GBE1: variants seen among roughly 807,000 people sequenced by gnomAD.
GBE1 encodes the protein 1,4-alpha-glucan branching enzyme 1.
Under a neutral mutation model 88.8 loss-of-function variants are expected in GBE1, and 70 were observed. The ratio of observed to expected loss-of-function variants is 0.79; its 90% CI spans 0.65 to 0.96. The LOEUF is 0.96. Ranked by LOEUF, GBE1 falls within the 40% of genes least tolerant of loss-of-function variation. GBE1 has a pLI of 0.00. For missense variants in GBE1, 872 were observed against 871.0 expected, an observed-to-expected ratio of 1.00 and a Z score of -0.01; for synonymous variants, 284 against 300.1, an observed-to-expected ratio of 0.95 and a Z score of 0.56.
At chr3:81,722,476 ATATT>A (rs1465346312) in intron 1 of GBE1, among the ~76,000 whole-genome samples, 1 of 152,024 alleles carries the variant, frequency 6.6e-6, no homozygotes, top group Non-Finnish European at 1.5e-5. Flanking sequence ...CAAAGACAAA[ATATT>A]AAGTAAATTA....
At chr3:81,747,609 C>A (rs1368873241) in intron 1 of GBE1, among the ~76,000 whole-genome samples, 2 of 152,190 alleles carry the variant, frequency 1.3e-5, no homozygotes, top group Non-Finnish European at 2.9e-5. Flanking sequence ...TGCACGTATA[C>A]GCCCAGATGG....
intron 3 of GBE1, among the ~76,000 whole-genome samples, chr3:81,667,806 T>C (rs1187431398): frequency 6.6e-6 from 1 of 152,186 alleles, no homozygotes; most frequent in Non-Finnish European, 1.5e-5. Flanking sequence ...TAACTTGATC[T>C]TGATGGATAA....
intron 1 of GBE1, among the ~76,000 whole-genome samples, chr3:81,732,875 T>G (rs1000493521): frequency 1.3e-5 from 2 of 152,156 alleles, no homozygotes; most frequent in Non-Finnish European, 2.9e-5. Flanking sequence ...TACAAGTATT[T>G]GTGGTGTCAT....
intron 12 of GBE1, among the ~76,000 whole-genome samples, chr3:81,553,490 T>C (rs1703303351): frequency 6.6e-6 from 1 of 152,018 alleles, no homozygotes; most frequent in Non-Finnish European, 1.5e-5. Context: ...CAGTATACAC[T>C]CAAAGATTTA....
At chr3:81,540,164 T>C (rs1019149329) in intron 12 of GBE1, among the ~76,000 whole-genome samples, 1 of 151,920 alleles carries the variant, frequency 6.6e-6, no homozygotes, top group Non-Finnish European at 1.5e-5. Context: ...AATAAGAACT[T>C]GCTACATGAT....
At chr3:81,533,120 T>G (rs7618582) in intron 14 of GBE1, among the ~76,000 whole-genome samples, 6,085 of 152,168 alleles carry the variant, frequency 0.04, 412 homozygotes, top group African/African-American at 0.14. Flanking sequence ...AAGATTGAAG[T>G]AGATACTAGT....
Position 81,617,199 on chromosome 3 carries a change from CTA to C in GBE1, c.993-23178_993-23177del, listed in dbSNP as rs201868914. 7.2e-3 allele frequency among the ~76,000 whole-genome samples: 1,092 copies of C among 151,894 alleles called. 5 individuals carry two copies. The highest frequency in any genetic ancestry group is 0.034 in the Middle Eastern group (10 of 292). Reference sequence around the variant, plus strand: ...AAGTTTTATTTATCCATTCTGATCTCTATGTCTTATTTTCTTTTCTTTTTATT... The same window carrying C: ...AAGTTTTATTTATCCATTCTGATCTCTGTCTTATTTTCTTTTCTTTTTATT... On this transcript the variant is annotated intron_variant, in intron 7 of 15. Transcript: ENST00000429644.
intron 12 of GBE1, among the ~76,000 whole-genome samples, chr3:81,562,866 C>CTT (rs559665731): frequency 7.0e-6 from 1 of 143,612 alleles, no homozygotes; most frequent in African/African-American, 2.5e-5. Context: ...TCACTTTCAT[C>CTT]TTTTTTTTTT....
intron 9 of GBE1, among the ~76,000 whole-genome samples, chr3:81,588,980 T>G (rs971665011): frequency 2.6e-5 from 4 of 152,088 alleles, no homozygotes; most frequent in African/African-American, 4.8e-5. Flanking sequence ...ATATGAGTTG[T>G]TTCAGCCCTC....
intron 3 of GBE1, among the ~76,000 whole-genome samples, chr3:81,666,605 T>A (rs1329544095): frequency 6.6e-6 from 1 of 152,156 alleles, no homozygotes; most frequent in South Asian, 2.1e-4. Flanking sequence ...GAGAAAAATA[T>A]TATTTTTCAA....
chr3:81,565,534 C>T (rs753025938), intron 12 of GBE1, among the ~76,000 whole-genome samples: 2 of 152,240 alleles, frequency 1.3e-5, no homozygotes, highest in East Asian at 1.9e-4. Context: ...AGGACAAAAT[C>T]CATCCAACTT....
chr3:81,598,646 T>C (rs1447136517), intron 7 of GBE1, among the ~76,000 whole-genome samples: 1 of 151,924 alleles, frequency 6.6e-6, no homozygotes, highest in East Asian at 1.9e-4. Flanking sequence ...GATTGAAAAG[T>C]AGTAATTCAT....
chr3:81,526,545 C>T (rs1412367322), intron 14 of GBE1, among the ~76,000 whole-genome samples: 1 of 151,984 alleles, frequency 6.6e-6, no homozygotes, highest in African/African-American at 2.4e-5. Flanking sequence ...AAATCATGTG[C>T]AAAAATCACA....
chr3:81,732,755 C>G (rs947539202), intron 1 of GBE1, among the ~76,000 whole-genome samples: 1 of 152,068 alleles, frequency 6.6e-6, no homozygotes, highest in African/African-American at 2.4e-5. Flanking sequence ...ATATAGTCAC[C>G]CAGAGTAATC....
intron 14 of GBE1, among the ~76,000 whole-genome samples, chr3:81,521,676 C>A (rs1702875894): frequency 6.6e-6 from 1 of 151,388 alleles, no homozygotes; most frequent in African/African-American, 2.4e-5. Flanking sequence ...TGCTACAATC[C>A]TAACAGATTA....
At chr3:81,548,833 G>A (rs1016365830) in intron 12 of GBE1, among the ~76,000 whole-genome samples, 6 of 150,828 alleles carry the variant, frequency 4.0e-5, no homozygotes, top group African/African-American at 1.5e-4. Flanking sequence ...ACTAATGTAA[G>A]ATTAAAGAAA....
chr3:81,490,545 G>T (rs374937697), intron 15 of GBE1, 82 bp from the exon 16 acceptor site: 1 of 1,092,854 alleles, frequency 9.2e-7, no homozygotes, highest in Non-Finnish European at 1.4e-6. Flanking sequence ...TAGGCATGAC[G>T]CAGTCTCACA....
At chr3:81,507,242 A>G (rs889596840) in intron 14 of GBE1, among the ~76,000 whole-genome samples, 5 of 152,064 alleles carry the variant, frequency 3.3e-5, no homozygotes, top group African/African-American at 1.2e-4. Flanking sequence ...TTTCTAAAAT[A>G]AAATTTATAA....
chr3:81,535,343 C>A lies in GBE1; in HGVS notation c.1804-18G>T. 1 of 1,586,150 alleles carries A rather than the reference C, an allele frequency of 6.3e-7. No individual in the cohort carries two copies. The highest frequency in any genetic ancestry group is 2.3e-5 in the East Asian group (1 of 44,304). On this transcript the variant is annotated intron_variant, in intron 13 of 15. Coordinates refer to ENST00000429644, the MANE Select transcript of GBE1 (RefSeq NM_000158.4). ...ACGTAGGCCTGCAAGAATTAGCACA[C>A]ATGTTACATTTAAATAATACCTAGA...
Sources: gnomAD v4.1 joint callset for allele counts (sites outside exome capture counted in the v4.1 genomes callset) on GRCh38, gnomAD v4.1.1 for gene constraint, MANE v1.5 for transcripts, NCBI Gene and HGNC (gene_info 2026-07-23, HGNC 2026-07-21) for gene names.